The following PPP2R2B variants were observed in gnomAD, a reference collection of about 807,000 sequenced individuals.
PPP2R2B encodes the protein serine/threonine-protein phosphatase 2A 55 kDa regulatory subunit B beta isoform.
A neutral mutation model predicts 46.0 loss-of-function variants in PPP2R2B; 5 were observed. The observed-to-expected ratio is 0.11, with a 90% confidence interval of 0.06 to 0.23. The LOEUF is 0.23. Ranked by LOEUF, PPP2R2B falls within the 10% of genes least tolerant of loss-of-function variation. The pLI is 1.00. For missense variants in PPP2R2B, 367 were observed against 575.0 expected (o/e 0.64, Z 3.70); for synonymous variants, 215 against 206.7 (o/e 1.04, Z -0.34).
At chr5:146,986,606 A>G (rs1400692757) in intron 1 of PPP2R2B, among the ~76,000 whole-genome samples, 1 of 152,224 alleles carries the variant, frequency 6.6e-6, no homozygotes, top group East Asian at 1.9e-4. Flanking sequence ...GAGTAAAAAA[A>G]TATGGATGAA....
chr5:146,716,104 T>C (rs1302193534), intron 2 of PPP2R2B, among the ~76,000 whole-genome samples: 1 of 152,184 alleles, frequency 6.6e-6, no homozygotes, highest in African/African-American at 2.4e-5. Flanking sequence ...ATTATTATAA[T>C]CTGAGGACCT....
At chr5:146,777,155 C>T (rs72813715) in intron 2 of PPP2R2B, among the ~76,000 whole-genome samples, 15,594 of 152,008 alleles carry the variant, frequency 0.1, 1,275 homozygotes, top group East Asian at 0.45. Context: ...AACAGTGACT[C>T]AAATAGATAC....
intron 2 of PPP2R2B, among the ~76,000 whole-genome samples, chr5:147,077,060 C>T (rs1181341): frequency 0.95 from 138,767 of 145,834 alleles, 66,295 homozygotes; most frequent in East Asian, 1. Flanking sequence ...TATATATATA[C>T]AATACATATA....
At chr5:146,774,744 G>T (rs1005581495) in intron 2 of PPP2R2B, among the ~76,000 whole-genome samples, 3 of 151,358 alleles carry the variant, frequency 2.0e-5, no homozygotes, top group Non-Finnish European at 4.4e-5. Flanking sequence ...TTGAGCCTGG[G>T]AGATAGAGGC....
At chr5:146,607,581 A>G (rs1405233939) in intron 7 of PPP2R2B, 1 of 152,234 alleles carries the variant, frequency 6.6e-6, no homozygotes, top group East Asian at 1.9e-4. Flanking sequence ...AGTTTTACAT[A>G]ACTTTTCAAA....
chr5:146,733,145 G>A (rs748487422), intron 2 of PPP2R2B, among the ~76,000 whole-genome samples: 4 of 152,168 alleles, frequency 2.6e-5, no homozygotes, highest in Non-Finnish European at 5.9e-5. Context: ...AAATCAGTGG[G>A]AGGTGCTGTT....
chr5:146,643,005 G>A lies in PPP2R2B; in HGVS notation c.626-4590C>T, dbSNP rs1471486293. ...CTGGGAGGTTGAGGCTGCAGTGAGT[G>A]GTAATTGTGCCACTGCACTCCAGCC... On this transcript the variant is annotated intron_variant, in intron 6 of 9. Coordinates refer to ENST00000394411, the MANE Select transcript of PPP2R2B (RefSeq NM_181675.4). Among the ~76,000 whole-genome samples the A allele has an allele frequency of 2.0e-5, 3 of 152,086 alleles. No homozygotes were observed. The East Asian group carries it at 5.8e-4, about 29-fold the overall frequency.
intron 2 of PPP2R2B, among the ~76,000 whole-genome samples, chr5:146,807,112 T>G (rs188106826): frequency 2.0e-5 from 3 of 152,346 alleles, no homozygotes; most frequent in Admixed American, 1.3e-4. Context: ...CCAGACCAAC[T>G]GAATCTGAAC....
chr5:146,624,926 T>C (rs894924), intron 7 of PPP2R2B, among the ~76,000 whole-genome samples: 9 of 152,234 alleles, frequency 5.9e-5, no homozygotes, highest in African/African-American at 2.2e-4. Context: ...TTGCTGTTGC[T>C]TCTTCCCCTG....
chr5:147,006,289 A>G (rs1754439610), intron 1 of PPP2R2B, among the ~76,000 whole-genome samples: 1 of 152,236 alleles, frequency 6.6e-6, no homozygotes. Context: ...AAGTACTTAC[A>G]GAATCAGGAA....
intron 1 of PPP2R2B, among the ~76,000 whole-genome samples, chr5:146,983,028 A>G (rs7710563): frequency 0.48 from 72,412 of 151,744 alleles, 18,708 homozygotes; most frequent in Middle Eastern, 0.6. Flanking sequence ...TTTAGATTCA[A>G]TTACATTTTT....
intron 1 of PPP2R2B, among the ~76,000 whole-genome samples, chr5:146,977,472 C>G (rs1582534264): frequency 2.0e-5 from 3 of 151,976 alleles, no homozygotes. Flanking sequence ...GTTTGTTGCA[C>G]CCATCAACCC....
chr5:146,695,397 T>C (rs1023151719), intron 4 of PPP2R2B, among the ~76,000 whole-genome samples: 39 of 152,126 alleles, frequency 2.6e-4, no homozygotes, highest in African/African-American at 6.5e-4. Flanking sequence ...GGTAAAACAA[T>C]GTGTTTTTAT....
At chr5:146,753,346 C>T (rs781771676) in intron 2 of PPP2R2B, among the ~76,000 whole-genome samples, 15 of 151,914 alleles carry the variant, frequency 9.9e-5, no homozygotes, top group Non-Finnish European at 1.6e-4. Flanking sequence ...GAATACTCTC[C>T]CACACACAGA....
chr5:146,830,377 A>G (rs1350202717), intron 2 of PPP2R2B, among the ~76,000 whole-genome samples: 1 of 152,200 alleles, frequency 6.6e-6, no homozygotes, highest in African/African-American at 2.4e-5. Context: ...TCCACTCAAT[A>G]AGGTTAATGT....
At chr5:146,884,231 C>T (rs577782375) in intron 1 of PPP2R2B, among the ~76,000 whole-genome samples, 7 of 151,244 alleles carry the variant, frequency 4.6e-5, no homozygotes, top group African/African-American at 1.5e-4. Flanking sequence ...TACAATAAAT[C>T]TCCCAAGTTA....
intron 2 of PPP2R2B, among the ~76,000 whole-genome samples, chr5:147,072,987 G>A (rs1221225098): frequency 6.6e-6 from 1 of 152,070 alleles, no homozygotes; most frequent in Admixed American, 6.6e-5. Flanking sequence ...TCTTTTTCTA[G>A]CACTTTCCAC....
At chr5:146,664,126 C>T (rs1317450380) in intron 5 of PPP2R2B, among the ~76,000 whole-genome samples, 1 of 152,136 alleles carries the variant, frequency 6.6e-6, no homozygotes, top group Non-Finnish European at 1.5e-5. Flanking sequence ...AGGCATGAGC[C>T]ACCGCGCCTG....
chr5:146,915,896 A>T (rs551927264), intron 1 of PPP2R2B, among the ~76,000 whole-genome samples: 1 of 152,050 alleles, frequency 6.6e-6, no homozygotes. Flanking sequence ...CTTTTTTGCA[A>T]TGAAACTCTT....
Sources: allele counts gnomAD v4.1 joint callset (sites outside exome capture counted in the v4.1 genomes callset), GRCh38; gene constraint gnomAD v4.1.1; transcripts MANE v1.5; gene names NCBI Gene and HGNC (gene_info 2026-07-23, HGNC 2026-07-21).